PSD2: variants seen among roughly 807,000 people sequenced by gnomAD.
The protein encoded by PSD2 is pleckstrin and Sec7 domain containing 2, also known as PH and SEC7 domain-containing protein 2.
A neutral mutation model predicts 69.8 loss-of-function variants in PSD2; 38 were observed. The observed-to-expected ratio is 0.54, with a 90% CI of 0.42 to 0.71. The LOEUF is 0.71. PSD2 is among the 30% of genes least tolerant of loss of function. The pLI, the probability that PSD2 is intolerant of heterozygous loss-of-function variation, is 0.00. For missense variants in PSD2, 943 were observed against 1,014.5 expected (o/e 0.93, Z 0.96); for synonymous variants, 412 against 423.0 (o/e 0.97, Z 0.32).
intron 1 of PSD2, among the ~76,000 whole-genome samples, chr5:139,796,308 C>T (rs1759526463): frequency 1.3e-5 from 2 of 152,348 alleles, no homozygotes; most frequent in Non-Finnish European, 1.5e-5. Context: ...CCGCCACCCA[C>T]TACCCTCTCC....
chr5:139,743,087 A>G, the PSD2 span, among the ~76,000 whole-genome samples: 2 of 152,192 alleles, frequency 1.3e-5, no homozygotes, highest in African/African-American at 2.4e-5. Context: ...TCAGAAGAGA[A>G]GCAGTTGCCT....
chr5:139,742,899 G>A, the PSD2 span, among the ~76,000 whole-genome samples: 2 of 152,200 alleles, frequency 1.3e-5, no homozygotes. Flanking sequence ...GCTCACCTTT[G>A]CTTCTACAGT....
At chr5:139,840,205 G>T in intron 14 of PSD2, 35 bp downstream of exon 14, 3 of 1,608,288 alleles carry the variant, frequency 1.9e-6, no homozygotes, top group Non-Finnish European at 2.6e-6. Flanking sequence ...AAAGCCCAGT[G>T]CCCTGCTCTT....
chr5:139,765,333 TTAGGCTTGGTACCACTTAAA>T, the PSD2 span, among the ~76,000 whole-genome samples: 1 of 152,106 alleles, frequency 6.6e-6, no homozygotes, highest in Non-Finnish European at 1.5e-5. Context: ...TCTTTCCAGT[TTAGGCTTGGTACCACTTAAA>T]TAGCCCCCAG....
In PSD2 at chr5:139,837,484, A is replaced by AC. The variant is rs1024852739; in HGVS notation, c.1666-139dup. ...GACAAACTGGGGTAAGGGGAGGAGT[A>AC]CCTGGATTCTTGTTGGGGTGGGTGA... is the stretch of plus-strand genomic sequence containing the variant. On this transcript the variant is annotated intron_variant, in intron 11 of 14. Transcript: ENST00000274710. The surrounding 1 kb of genome is among the most constrained non-coding windows in gnomAD (Gnocchi z 5.0). The AC allele has an allele frequency of 2.7e-5, 25 of 918,008 alleles. No individual in the cohort carries two copies. In the Admixed American group the frequency reaches 4.3e-4, roughly 16 times the overall value. 56.9% of individuals were successfully genotyped at this position (918,008 alleles called of 1,614,324 possible).
chr5:139,806,327 G>C (rs1166511791), intron 1 of PSD2, among the ~76,000 whole-genome samples: 1 of 152,254 alleles, frequency 6.6e-6, no homozygotes, highest in Non-Finnish European at 1.5e-5. Flanking sequence ...TTGGTTGAGG[G>C]TTTGGGCCCT....
At chr5:139,788,779 C>T in the PSD2 span, among the ~76,000 whole-genome samples, 1 of 152,200 alleles carries the variant, frequency 6.6e-6, no homozygotes, top group African/African-American at 2.4e-5. Context: ...GCTTTGTCCA[C>T]CAGCCCTGGC....
chr5:139,769,761 T>C, the PSD2 span, among the ~76,000 whole-genome samples: 2 of 152,002 alleles, frequency 1.3e-5, no homozygotes, highest in South Asian at 2.1e-4. Flanking sequence ...CTCAAGACAC[T>C]GATGGTGGCA....
chr5:139,782,958 T>G, the PSD2 span, among the ~76,000 whole-genome samples: 3 of 152,216 alleles, frequency 2.0e-5, no homozygotes, highest in Non-Finnish European at 2.9e-5. Flanking sequence ...CCAGAACTTT[T>G]TCATCGTCAC....
At chr5:139,779,822 C>G in the PSD2 span, among the ~76,000 whole-genome samples, 5 of 152,172 alleles carry the variant, frequency 3.3e-5, no homozygotes, top group African/African-American at 1.2e-4. Context: ...GCATAATGTT[C>G]TGGAGCTTCG....
chr5:139,840,552 A>ATTTTTT (rs200975712), intron 14 of PSD2, among the ~76,000 whole-genome samples: 1 of 141,012 alleles, frequency 7.1e-6, no homozygotes. Context: ...TCTCATTACT[A>ATTTTTT]TTTTTTTTTT....
In PSD2 at chr5:139,837,806, A is replaced by G. The variant is rs1760774433; in HGVS notation, c.1823+24A>G. On this transcript the variant is annotated intron_variant, in intron 12 of 14. Coordinates refer to ENST00000274710, the MANE Select transcript of PSD2 (RefSeq NM_032289.4). This position sits in a 1 kb window ranked among gnomAD's most constrained non-coding sequence, Gnocchi z 5.0. The stretch of plus-strand genomic sequence containing the variant: ...CCGTGAGTAGGAGCTGGAGCCCTTC[A>G]CTCCCACCTGGGGCCCAGGGCCACA... 8 of 1,590,292 alleles carry G rather than the reference A, an allele frequency of 5.0e-6. No individual in the cohort carries two copies. In the East Asian group the frequency reaches 6.8e-5, roughly 13 times the overall value.
chr5:139,789,088 T>C, the PSD2 span, among the ~76,000 whole-genome samples: 1 of 152,244 alleles, frequency 6.6e-6, no homozygotes, highest in East Asian at 1.9e-4. Flanking sequence ...GGCTCCTGAC[T>C]GCACGGTTTC....
chr5:139,840,294 G>A (rs919600898), intron 14 of PSD2, 124 bp downstream of exon 14: 2 of 1,101,958 alleles, frequency 1.8e-6, no homozygotes, highest in Non-Finnish European at 2.6e-6. Flanking sequence ...TGGGAGCTGG[G>A]AGGGAACAGG....
chr5:139,827,002 G>A (rs1336987360), intron 7 of PSD2, among the ~76,000 whole-genome samples: 1 of 152,154 alleles, frequency 6.6e-6, no homozygotes, highest in Non-Finnish European at 1.5e-5. Flanking sequence ...GCCCCAGATG[G>A]GTCATATGCC....
the PSD2 span, among the ~76,000 whole-genome samples, chr5:139,790,646 G>C: frequency 6.6e-6 from 1 of 152,214 alleles, no homozygotes; most frequent in African/African-American, 2.4e-5. Flanking sequence ...GTCAGATGCT[G>C]TCAGGAAGCT....
the PSD2 span, among the ~76,000 whole-genome samples, chr5:139,751,123 A>G: frequency 1.3e-5 from 2 of 152,254 alleles, no homozygotes; most frequent in African/African-American, 4.8e-5. Flanking sequence ...ATGCTGGTCT[A>G]GAGATACATC....
At chr5:139,762,351 G>A in the PSD2 span, among the ~76,000 whole-genome samples, 8 of 146,670 alleles carry the variant, frequency 5.5e-5, no homozygotes, top group African/African-American at 7.6e-5. Context: ...TCCTTCATTC[G>A]TTTTTTCTTA....
At chr5:139,755,208 G>C in the PSD2 span, among the ~76,000 whole-genome samples, 1 of 152,220 alleles carries the variant, frequency 6.6e-6, no homozygotes, top group East Asian at 1.9e-4. Flanking sequence ...TCTGGGGTCT[G>C]TGTTCCAGCG....
Sources: gnomAD v4.1 joint callset for allele counts (sites outside exome capture counted in the v4.1 genomes callset) on GRCh38, gnomAD v4.1.1 for gene constraint, Gnocchi (gnomAD v3.1) non-coding constraint, MANE v1.5 for transcripts, NCBI Gene and HGNC (gene_info 2026-07-23, HGNC 2026-07-21) for gene names.